RAB38: variants seen among roughly 807,000 people sequenced by gnomAD.
The protein encoded by RAB38 is ras-related protein Rab-38.
In RAB38, 15 loss-of-function variants were observed where a neutral mutation model predicts 18.4. The ratio of observed to expected loss-of-function variants is 0.82; its 90% CI spans 0.55 to 1.26. RAB38 has a LOEUF of 1.26. RAB38 is among the 50% of genes most tolerant of loss of function. RAB38 has a pLI of 0.00. For missense variants in RAB38, 294 were observed against 267.4 expected, an observed-to-expected ratio of 1.10 and a Z score of -0.69; for synonymous variants, 101 against 104.4, an observed-to-expected ratio of 0.97 and a Z score of 0.20.
intron 1 of RAB38, among the ~76,000 whole-genome samples, chr11:88,164,765 G>T (rs969124917): frequency 2.0e-5 from 3 of 152,032 alleles, no homozygotes; most frequent in African/African-American, 7.2e-5. Context: ...TTTGGATGCG[G>T]TGAACTGAGA....
chr11:87,976,299 C>CAT, the RAB38 span, among the ~76,000 whole-genome samples: 8 of 140,592 alleles, frequency 5.7e-5, no homozygotes, highest in East Asian at 4.2e-4. Flanking sequence ...TACATACACA[C>CAT]ATATATATAC....
the RAB38 span, among the ~76,000 whole-genome samples, chr11:88,027,253 T>C: frequency 6.6e-6 from 1 of 152,168 alleles, no homozygotes; most frequent in African/African-American, 2.4e-5. Context: ...TCAAAATGGC[T>C]GAATAGGAAC....
At chr11:88,118,070 CAT>C (rs374840245) in intron 2 of RAB38, among the ~76,000 whole-genome samples, 52 of 152,266 alleles carry the variant, frequency 3.4e-4, no homozygotes, top group African/African-American at 1.0e-3. Context: ...ATATTTACCA[CAT>C]GTTTACTACA....
At chr11:87,868,598 AG>A in the RAB38 span, among the ~76,000 whole-genome samples, 1 of 53,272 alleles carries the variant, frequency 1.9e-5, no homozygotes, top group Non-Finnish European at 4.6e-5. Flanking sequence ...AGAGAGAGAG[AG>A]AGAGAGAGAG....
chr11:87,945,771 C>A, the RAB38 span, among the ~76,000 whole-genome samples: 1 of 152,126 alleles, frequency 6.6e-6, no homozygotes, highest in South Asian at 2.1e-4. Context: ...TGAACCTAAA[C>A]CAAATTTTGT....
At chr11:88,073,484 C>T in the RAB38 span, among the ~76,000 whole-genome samples, 1 of 151,778 alleles carries the variant, frequency 6.6e-6, no homozygotes, top group African/African-American at 2.4e-5. Flanking sequence ...AGTGACCTAG[C>T]AGGGAAAAAG....
the RAB38 span, among the ~76,000 whole-genome samples, chr11:88,070,009 G>A: frequency 1.3e-5 from 2 of 152,198 alleles, no homozygotes; most frequent in African/African-American, 4.8e-5. Context: ...GGTCAGATAA[G>A]GGAATAAAAG....
intron 2 of RAB38, among the ~76,000 whole-genome samples, chr11:88,140,762 G>GA (rs970543218): frequency 1.6e-4 from 25 of 152,088 alleles, no homozygotes; most frequent in Non-Finnish European, 2.9e-4. Context: ...TGGAGAAGCA[G>GA]AAAAAAAATC....
chr11:88,080,685 G>T, the RAB38 span, among the ~76,000 whole-genome samples: 1 of 151,924 alleles, frequency 6.6e-6, no homozygotes, highest in Admixed American at 6.6e-5. Flanking sequence ...TGTACAGATA[G>T]ATTTTTACAT....
At chr11:87,814,851 A>C in the RAB38 span, among the ~76,000 whole-genome samples, 1 of 151,238 alleles carries the variant, frequency 6.6e-6, no homozygotes, top group Non-Finnish European at 1.5e-5. Flanking sequence ...CTCCTGCCTC[A>C]GCCTCCCGAG....
At chr11:88,033,726 T>TTA in the RAB38 span, among the ~76,000 whole-genome samples, 1 of 15,810 alleles carries the variant, frequency 6.3e-5, no homozygotes, top group Non-Finnish European at 2.0e-4. Flanking sequence ...TTGTGTTGCC[T>TTA]TTTTTTTTTT....
the RAB38 span, among the ~76,000 whole-genome samples, chr11:88,084,212 A>G: frequency 6.6e-6 from 1 of 151,846 alleles, no homozygotes; most frequent in Non-Finnish European, 1.5e-5. Context: ...TCAAACAGTT[A>G]CCAGTAATAG....
the RAB38 span, among the ~76,000 whole-genome samples, chr11:87,895,915 C>T: frequency 1.3e-5 from 2 of 151,692 alleles, no homozygotes; most frequent in African/African-American, 4.8e-5. Flanking sequence ...TTTCCTGAAA[C>T]TATTTCTTCA....
the RAB38 span, among the ~76,000 whole-genome samples, chr11:88,063,235 A>C: frequency 1.1e-4 from 16 of 152,150 alleles, no homozygotes; most frequent in African/African-American, 3.9e-4. Flanking sequence ...TATCAGGATC[A>C]CTAAGTTTTT....
the RAB38 span, among the ~76,000 whole-genome samples, chr11:87,936,414 T>A: frequency 6.6e-6 from 1 of 152,130 alleles, no homozygotes; most frequent in Non-Finnish European, 1.5e-5. Context: ...CTTTCCTCCA[T>A]TAAATTGCTT....
At chr11:88,069,033 T>G in the RAB38 span, among the ~76,000 whole-genome samples, 1 of 152,158 alleles carries the variant, frequency 6.6e-6, no homozygotes, top group Admixed American at 6.5e-5. Flanking sequence ...TCCCTCTGCT[T>G]GCAGGGAGGT....
chr11:87,833,785 C>G, the RAB38 span, among the ~76,000 whole-genome samples: 9,004 of 152,228 alleles, frequency 0.059, 372 homozygotes, highest in Non-Finnish European at 0.084. Context: ...GCTATTATCT[C>G]TAATGAGGTA....
the RAB38 span, among the ~76,000 whole-genome samples, chr11:87,940,030 AC>A: frequency 6.6e-6 from 1 of 152,058 alleles, no homozygotes; most frequent in African/African-American, 2.4e-5. Flanking sequence ...AAATTGAAAA[AC>A]CAGAAAAACA....
At chr11:88,140,043 G>A (rs957824573) in intron 2 of RAB38, among the ~76,000 whole-genome samples, 8 of 152,228 alleles carry the variant, frequency 5.3e-5, no homozygotes, top group African/African-American at 1.9e-4. Flanking sequence ...GGAGTGTGAA[G>A]GAGGAATGAC....
Sources: gnomAD v4.1 joint callset for allele counts (sites outside exome capture counted in the v4.1 genomes callset) on GRCh38, gnomAD v4.1.1 for gene constraint, MANE v1.5 for transcripts, NCBI Gene and HGNC (gene_info 2026-07-23, HGNC 2026-07-21) for gene names.